The following SLC9A9 variants were observed in gnomAD, a reference collection of about 807,000 sequenced individuals.
The protein encoded by SLC9A9 is solute carrier family 9 member A9, also known as sodium/hydrogen exchanger 9.
Under a neutral mutation model 77.8 loss-of-function variants are expected in SLC9A9, and 62 were observed. The observed-to-expected ratio is 0.80, with a 90% CI of 0.65 to 0.98. The LOEUF (loss-of-function observed/expected upper bound fraction) is 0.98, where lower values mean the gene tolerates loss of function less well. Among genes scored for constraint, SLC9A9 ranks in the 50% least tolerant of loss-of-function variants. The pLI is 0.00. For missense variants in SLC9A9, 775 were observed against 774.9 expected (o/e 1.00, Z 0.00); for synonymous variants, 320 against 283.5 (o/e 1.13, Z -1.29).
chr3:143,821,507 A>C (rs563306359), intron 2 of SLC9A9, among the ~76,000 whole-genome samples: 1 of 152,194 alleles, frequency 6.6e-6, no homozygotes, highest in Non-Finnish European at 1.5e-5. Flanking sequence ...CTAACAGTAA[A>C]ATTTCAAGAC....
At chr3:143,825,256 C>A (rs2009269290) in intron 2 of SLC9A9, among the ~76,000 whole-genome samples, 1 of 152,082 alleles carries the variant, frequency 6.6e-6, no homozygotes. Context: ...TCTGCTCAAG[C>A]GATTCCTGTT....
intron 2 of SLC9A9, among the ~76,000 whole-genome samples, chr3:143,818,587 G>A (rs940201635): frequency 1.3e-4 from 20 of 152,048 alleles, no homozygotes; most frequent in African/African-American, 4.6e-4. Context: ...GATTACAGGT[G>A]TGAGCCACTG....
At chr3:143,276,949 A>AGGCT (rs1578255734) in intron 14 of SLC9A9, among the ~76,000 whole-genome samples, 1 of 152,230 alleles carries the variant, frequency 6.6e-6, no homozygotes, top group African/African-American at 2.4e-5. Context: ...GGCAGATTAA[A>AGGCT]GGCTGATAAA....
At chr3:143,421,856 T>C (rs971201884) in intron 12 of SLC9A9, among the ~76,000 whole-genome samples, 1 of 152,136 alleles carries the variant, frequency 6.6e-6, no homozygotes, top group Non-Finnish European at 1.5e-5. Flanking sequence ...AAAGGTCTAA[T>C]ACCAGAATCT....
At chr3:143,620,561 A>G (rs548435835) in intron 6 of SLC9A9, 1 of 152,314 alleles carries the variant, frequency 6.6e-6, no homozygotes, top group Non-Finnish European at 1.5e-5. Flanking sequence ...CCTCAGGCAG[A>G]CTCAGCAAGA....
intron 6 of SLC9A9, among the ~76,000 whole-genome samples, chr3:143,650,576 T>G (rs929527620): frequency 1.3e-5 from 2 of 152,210 alleles, no homozygotes; most frequent in African/African-American, 4.8e-5. Context: ...TTTGAATATG[T>G]AAGCTTTGGA....
At chr3:143,328,545 TC>T (rs1313690599) in intron 14 of SLC9A9, among the ~76,000 whole-genome samples, 1 of 152,176 alleles carries the variant, frequency 6.6e-6, no homozygotes, top group Non-Finnish European at 1.5e-5. Flanking sequence ...TTCTCCATCT[TC>T]CCGATTCAAA....
chr3:143,346,467 G>C (rs1429262280), intron 14 of SLC9A9, among the ~76,000 whole-genome samples: 2 of 152,106 alleles, frequency 1.3e-5, no homozygotes, highest in African/African-American at 4.8e-5. Context: ...CGTATTTTCT[G>C]TTCTATTTTA....
intron 12 of SLC9A9, among the ~76,000 whole-genome samples, chr3:143,416,252 T>C (rs563984275): frequency 2.2e-4 from 33 of 152,338 alleles, no homozygotes; most frequent in African/African-American, 7.7e-4. Flanking sequence ...TAGTATATTA[T>C]ACAAACTTGA....
intron 4 of SLC9A9, among the ~76,000 whole-genome samples, chr3:143,768,797 C>T (rs972443235): frequency 3.9e-5 from 6 of 152,142 alleles, no homozygotes; most frequent in Admixed American, 3.9e-4. Context: ...CATCCTAATG[C>T]TATTTAATTG....
At chr3:143,774,855 G>C (rs1431160686) in intron 4 of SLC9A9, among the ~76,000 whole-genome samples, 2 of 152,074 alleles carry the variant, frequency 1.3e-5, no homozygotes, top group African/African-American at 4.8e-5. Flanking sequence ...GCCCCTTTGG[G>C]ACCCTGTCTG....
intron 14 of SLC9A9, among the ~76,000 whole-genome samples, chr3:143,269,994 C>G (rs1020742176): frequency 6.6e-6 from 1 of 152,154 alleles, no homozygotes; most frequent in African/African-American, 2.4e-5. Context: ...GAAGATGCAG[C>G]CCAGTGGAGG....
intron 12 of SLC9A9, among the ~76,000 whole-genome samples, chr3:143,382,930 G>T (rs1433983921): frequency 6.6e-6 from 1 of 152,158 alleles, no homozygotes; most frequent in Non-Finnish European, 1.5e-5. Flanking sequence ...ATAGTTGGAA[G>T]GCATTAAAGC....
rs1018077470 is a variant in SLC9A9 at position 143,655,677 on chromosome 3, C to T, written c.650-3317G>A. On this transcript the variant is annotated intron_variant, in intron 5 of 15. Transcript: ENST00000316549. ...TTATGCTCAAGGAGATGAACATGCA[C>T]ATGTACACACACACACACACACACA... 3.6e-6 allele frequency: 3 copies of T among 825,398 alleles called. No individual in the cohort carries two copies. The Admixed American group carries it at 4.1e-4, about 114-fold the overall frequency. The allele number at this position is 825,398 out of a possible 1,614,324, so 51.1% of individuals were successfully genotyped here. A position where few individuals can be genotyped will look rare whatever the true frequency, so the allele number is the denominator to read the frequency against.
At position 143,479,386 on chromosome 3, in the gene SLC9A9, C is replaced by A. The variant is rs1425239297; in HGVS notation, c.1316-12196G>T. 2.0e-5 allele frequency among the ~76,000 whole-genome samples: 3 copies of A among 151,784 alleles called. No individual in the cohort carries two copies. In the East Asian group the frequency reaches 5.8e-4, roughly 29 times the overall value. ...CCTCAGCCTCCTGAGTAGCTGGGAGCCCAGGTGAGCACCACCTCCCCTGCC... is the reference window on the plus strand; with the variant it reads ...CCTCAGCCTCCTGAGTAGCTGGGAGACCAGGTGAGCACCACCTCCCCTGCC... On this transcript the variant is annotated intron_variant, in intron 11 of 15. Transcript: ENST00000316549.
intron 6 of SLC9A9, among the ~76,000 whole-genome samples, chr3:143,644,512 A>G (rs2038672178): frequency 6.6e-6 from 1 of 152,212 alleles, no homozygotes; most frequent in Admixed American, 6.5e-5. Flanking sequence ...GGGAGATGCC[A>G]GAGTCAGGAA....
chr3:143,617,945 G>T (rs1484633409), intron 6 of SLC9A9, among the ~76,000 whole-genome samples: 1 of 151,824 alleles, frequency 6.6e-6, no homozygotes, highest in African/African-American at 2.4e-5. Context: ...GCAACATAAA[G>T]AATGGACTAC....
intron 5 of SLC9A9, among the ~76,000 whole-genome samples, chr3:143,661,602 A>T (rs1478054232): frequency 2.0e-5 from 3 of 152,202 alleles, no homozygotes; most frequent in Admixed American, 6.5e-5. Context: ...GGTGTTGCCC[A>T]GGAAAACATC....
intron 6 of SLC9A9, among the ~76,000 whole-genome samples, chr3:143,630,163 G>A (rs906028562): frequency 2.2e-4 from 33 of 152,098 alleles, no homozygotes; most frequent in Admixed American, 5.9e-4. Context: ...TTATCTTTGC[G>A]TTATTCATCA....
Sources: allele counts gnomAD v4.1 joint callset (sites outside exome capture counted in the v4.1 genomes callset), GRCh38; gene constraint gnomAD v4.1.1; transcripts MANE v1.5; gene names NCBI Gene and HGNC (gene_info 2026-07-23, HGNC 2026-07-21).